Variants in NXPH1 observed in about 807,000 individuals in gnomAD.
The protein encoded by NXPH1 is neurexophilin 1.
Under a neutral mutation model 23.7 loss-of-function variants are expected in NXPH1, and 5 were observed. The observed-to-expected ratio is 0.21, with a 90% confidence interval of 0.11 to 0.44. The LOEUF (loss-of-function observed/expected upper bound fraction) is 0.44. NXPH1 is among the 20% of genes least tolerant of loss of function. NXPH1 has a pLI of 0.99. For missense variants in NXPH1, 324 were observed against 321.6 expected (o/e 1.01, Z -0.06); for synonymous variants, 144 against 122.2 (o/e 1.18, Z -1.18).
chr7:8,494,411 G>A (rs1300534223), intron 2 of NXPH1, among the ~76,000 whole-genome samples: 1 of 151,894 alleles, frequency 6.6e-6, no homozygotes, highest in South Asian at 2.1e-4. Context: ...CGGGAATTAG[G>A]AGTTAACTTA....
At chr7:8,457,894 A>G (rs1816627424) in intron 2 of NXPH1, among the ~76,000 whole-genome samples, 1 of 152,192 alleles carries the variant, frequency 6.6e-6, no homozygotes, top group African/African-American at 2.4e-5. Flanking sequence ...ATTCAGCCCA[A>G]TTTCTTCATT....
intron 2 of NXPH1, among the ~76,000 whole-genome samples, chr7:8,727,558 C>A (rs1342590345): frequency 6.6e-6 from 1 of 152,070 alleles, no homozygotes; most frequent in African/African-American, 2.4e-5. Flanking sequence ...CTACATATTG[C>A]TAGCCAGGTT....
intron 2 of NXPH1, among the ~76,000 whole-genome samples, chr7:8,555,644 A>G (rs991894722): frequency 1.1e-4 from 17 of 151,644 alleles, no homozygotes; most frequent in African/African-American, 4.1e-4. Context: ...CTCTTGTCCA[A>G]TCTCCCCAAC....
At chr7:8,449,312 G>GA (rs1259219721) in intron 2 of NXPH1, among the ~76,000 whole-genome samples, 4 of 152,176 alleles carry the variant, frequency 2.6e-5, no homozygotes, top group African/African-American at 9.6e-5. Context: ...GGGTATCCAA[G>GA]AAAAGTTCCT....
At chr7:8,598,996 C>G (rs1310205852) in intron 2 of NXPH1, among the ~76,000 whole-genome samples, 1 of 152,032 alleles carries the variant, frequency 6.6e-6, no homozygotes, top group Non-Finnish European at 1.5e-5. Flanking sequence ...AGGCATTGTG[C>G]TAAATTTATT....
At chr7:8,503,622 C>T (rs1200570738) in intron 2 of NXPH1, among the ~76,000 whole-genome samples, 2 of 151,992 alleles carry the variant, frequency 1.3e-5, no homozygotes, top group African/African-American at 2.4e-5. Context: ...CTCAAACCTA[C>T]TTTCTTTTTA....
chr7:8,634,994 G>T (rs1820196588), intron 2 of NXPH1, among the ~76,000 whole-genome samples: 1 of 152,124 alleles, frequency 6.6e-6, no homozygotes, highest in Non-Finnish European at 1.5e-5. Flanking sequence ...TACTGGAAGT[G>T]CAAACAACAT....
At chr7:8,525,094 C>A (rs1007173086) in intron 2 of NXPH1, among the ~76,000 whole-genome samples, 3 of 152,160 alleles carry the variant, frequency 2.0e-5, no homozygotes, top group Admixed American at 2.0e-4. Context: ...TGTTGAATGG[C>A]TTTGCCCAAA....
intron 2 of NXPH1, among the ~76,000 whole-genome samples, chr7:8,447,487 T>G (rs1402727624): frequency 2.0e-5 from 3 of 152,266 alleles, no homozygotes; most frequent in Admixed American, 2.0e-4. Context: ...AATTGAATGA[T>G]GAGTGCCTGG....
At position 8,695,388 on chromosome 7, in the gene NXPH1, A is replaced by G. The variant is rs189224619; in HGVS notation, c.55-55620A>G. On this transcript the variant is annotated intron_variant, in intron 2 of 2. Transcript: ENST00000405863. Reference sequence around the variant, plus strand: ...CAATGCTAGAACTTGCTCTTTTACCATGTTACAGAATGTAGTTTGTTTACA... The same window carrying G: ...CAATGCTAGAACTTGCTCTTTTACCGTGTTACAGAATGTAGTTTGTTTACA... Among the ~76,000 whole-genome samples the G allele has an allele frequency of 5.9e-5, 9 of 152,214 alleles. No individual in the cohort carries two copies. The East Asian group carries it at 1.7e-3, about 29-fold the overall frequency.
chr7:8,663,084 C>A (rs1403433503), intron 2 of NXPH1, among the ~76,000 whole-genome samples: 1 of 152,004 alleles, frequency 6.6e-6, no homozygotes, highest in East Asian at 1.9e-4. Flanking sequence ...GGATTGATGA[C>A]AAAGTCAGAG....
chr7:8,538,743 A>G (rs916710955), intron 2 of NXPH1, among the ~76,000 whole-genome samples: 1 of 151,934 alleles, frequency 6.6e-6, no homozygotes, highest in Non-Finnish European at 1.5e-5. Flanking sequence ...CTCATGGCAG[A>G]AAAATATATC....
intron 2 of NXPH1, among the ~76,000 whole-genome samples, chr7:8,618,078 G>A (rs866183341): frequency 6.6e-6 from 1 of 152,042 alleles, no homozygotes; most frequent in East Asian, 1.9e-4. Context: ...TAACTAAACT[G>A]ATGAGTGTCA....
chr7:8,668,155 A>C (rs1481530980), intron 2 of NXPH1, among the ~76,000 whole-genome samples: 1 of 151,662 alleles, frequency 6.6e-6, no homozygotes, highest in Non-Finnish European at 1.5e-5. Context: ...CTTTCTTAAA[A>C]TAATTATTTT....
intron 2 of NXPH1, among the ~76,000 whole-genome samples, chr7:8,545,415 A>G (rs1361862013): frequency 1.3e-5 from 2 of 151,544 alleles, no homozygotes; most frequent in African/African-American, 4.8e-5. Context: ...TAGTATTAGA[A>G]AAATGCCTCA....
intron 2 of NXPH1, among the ~76,000 whole-genome samples, chr7:8,663,180 G>A (rs1820706684): frequency 6.6e-6 from 1 of 152,088 alleles, no homozygotes; most frequent in Non-Finnish European, 1.5e-5. Context: ...CAATGTTTGT[G>A]AGTATCTAAA....
At chr7:8,580,998 C>T (rs1024381945) in intron 2 of NXPH1, among the ~76,000 whole-genome samples, 2 of 152,118 alleles carry the variant, frequency 1.3e-5, no homozygotes, top group Non-Finnish European at 1.5e-5. Flanking sequence ...CTGAGAAATG[C>T]TAAATCCCTG....
At chr7:8,517,953 G>A (rs1055089862) in intron 2 of NXPH1, among the ~76,000 whole-genome samples, 4 of 152,120 alleles carry the variant, frequency 2.6e-5, no homozygotes, top group African/African-American at 9.7e-5. Flanking sequence ...ATGTCCTGAA[G>A]CAGTTTCTTT....
chr7:8,527,414 A>C (rs1166075562), intron 2 of NXPH1, among the ~76,000 whole-genome samples: 1 of 152,144 alleles, frequency 6.6e-6, no homozygotes, highest in East Asian at 1.9e-4. Context: ...CAGTGTATAC[A>C]ACTCATTTTC....
Sources: gnomAD v4.1 joint callset for allele counts (sites outside exome capture counted in the v4.1 genomes callset) on GRCh38, gnomAD v4.1.1 for gene constraint, MANE v1.5 for transcripts, NCBI Gene and HGNC (gene_info 2026-07-23, HGNC 2026-07-21) for gene names.